Variants in RBM27 observed in about 807,000 individuals in gnomAD.
The protein encoded by RBM27 is RNA binding motif protein 27.
A neutral mutation model predicts 135.3 loss-of-function variants in RBM27; 22 were observed. The observed-to-expected ratio is 0.16, with a 90% CI of 0.12 to 0.23. RBM27 has a LOEUF of 0.23. Ranked by LOEUF, RBM27 falls within the 10% of genes least tolerant of loss-of-function variation. RBM27 has a pLI of 1.00. For missense variants in RBM27, 1,009 were observed against 1,281.0 expected, an observed-to-expected ratio of 0.79 and a Z score of 3.24; for synonymous variants, 481 against 442.4, an observed-to-expected ratio of 1.09 and a Z score of -1.10.
At chr5:146,234,723 G>C (rs1351940037) in intron 7 of RBM27, among the ~76,000 whole-genome samples, 2 of 152,004 alleles carry the variant, frequency 1.3e-5, no homozygotes, top group African/African-American at 4.8e-5. Context: ...TCTGCTTGAA[G>C]ACTTTTAACA....
chr5:146,233,438 T>C lies in RBM27; in HGVS notation c.851-12T>C. 1 of 1,521,416 alleles carries C rather than the reference T, an allele frequency of 6.6e-7. No individual in the cohort carries two copies. The highest frequency in any genetic ancestry group is 2.4e-5 in the East Asian group (1 of 41,958). The allele number at this position is 1,521,416 out of a possible 1,614,324, so 94.2% of individuals were successfully genotyped here. A position where few individuals can be genotyped will look rare whatever the true frequency, so the allele number is the denominator to read the frequency against. ...TGATAATAAGATTCTTTTTTTATTC[T>C]TTATTCCACAGAAAGAGGATTTTGT... is the stretch of plus-strand genomic sequence containing the variant. On this transcript the variant is annotated splice_polypyrimidine_tract_variant and intron_variant, in intron 6 of 20. Transcript: ENST00000265271.
intron 14 of RBM27, among the ~76,000 whole-genome samples, chr5:146,263,862 T>C (rs1277730343): frequency 6.6e-6 from 1 of 151,646 alleles, no homozygotes; most frequent in African/African-American, 2.4e-5. Flanking sequence ...CCCAGCACTT[T>C]GGGAAGCCTG....
At chr5:146,240,213 T>C (rs1043546242) in intron 8 of RBM27, among the ~76,000 whole-genome samples, 2 of 151,830 alleles carry the variant, frequency 1.3e-5, no homozygotes, top group African/African-American at 2.4e-5. Flanking sequence ...CCCAATCTTC[T>C]TTCCTACTAA....
rs574494947 is a variant in RBM27, at chr5:146,245,857, C to T, written c.1280-5854C>T. On this transcript the variant is annotated intron_variant, in intron 8 of 20. Transcript: ENST00000265271. ...ATCCTAAAGTCACCACCTCCACTCA[C>T]CCCTGCCATTTGTGGAAAAATTGTA... is the stretch of plus-strand genomic sequence containing the variant. Among the ~76,000 whole-genome samples, 30 of 152,294 alleles carry T rather than the reference C, an allele frequency of 2.0e-4. 1 individual carries two copies. In the South Asian group the frequency reaches 5.6e-3, roughly 28 times the overall value.
At chr5:146,216,324 A>G (rs1212271954) in intron 1 of RBM27, among the ~76,000 whole-genome samples, 3 of 152,172 alleles carry the variant, frequency 2.0e-5, no homozygotes, top group African/African-American at 4.8e-5. Flanking sequence ...ACACCCAACC[A>G]TAATATTTTT....
intron 5 of RBM27, among the ~76,000 whole-genome samples, 182 bp from the exon 6 acceptor site, chr5:146,230,475 A>G (rs1756879324): frequency 6.6e-6 from 1 of 152,198 alleles, no homozygotes; most frequent in South Asian, 2.1e-4. Flanking sequence ...TGCCCAAGAT[A>G]TGTCACTTGT....
In RBM27 at chr5:146,203,734, A is replaced by G. The variant is rs1265239344; in HGVS notation, c.-32A>G. On this transcript the variant is annotated 5_prime_UTR_variant, in exon 1 of 21. Transcript: ENST00000265271. ...TGGAGACCCACGGCAGGCCTGAAGA[A>G]GAGCGGCGGCCGAGCCCGCCTTCCC... The G allele has an allele frequency of 1.9e-6, 3 of 1,546,796 alleles. No individual in the cohort carries two copies. Among genetic ancestry groups the G allele is most frequent in the Non-Finnish European group, 2.6e-6 (3 of 1,144,148 alleles).
chr5:146,205,698 A>G (rs1755610647), intron 1 of RBM27, among the ~76,000 whole-genome samples: 1 of 152,174 alleles, frequency 6.6e-6, no homozygotes, highest in Non-Finnish European at 1.5e-5. Context: ...GAAAAGGTTG[A>G]AAAAAGAAAA....
chr5:146,231,662 G>C (rs575028672), intron 6 of RBM27, among the ~76,000 whole-genome samples: 1 of 152,064 alleles, frequency 6.6e-6, no homozygotes, highest in South Asian at 2.1e-4. Context: ...CTGTCCCCCA[G>C]GCTAGTGTGC....
At chr5:146,207,008 T>C (rs984225370) in intron 1 of RBM27, among the ~76,000 whole-genome samples, 3 of 152,244 alleles carry the variant, frequency 2.0e-5, no homozygotes, top group Admixed American at 2.0e-4. Context: ...TTATTTTTTG[T>C]TTGTTTAGAT....
At chr5:146,264,055 A>C (rs1190850754) in intron 14 of RBM27, among the ~76,000 whole-genome samples, 2 of 151,370 alleles carry the variant, frequency 1.3e-5, no homozygotes, top group East Asian at 2.0e-4. Flanking sequence ...GCAGTGAGCC[A>C]AGGTCGTACC....
At chr5:146,233,854 A>ATTCCAAATTATATT in intron 7 of RBM27, 111 bp downstream of exon 7, 3 of 688,540 alleles carry the variant, frequency 4.4e-6, no homozygotes, top group Non-Finnish European at 6.4e-6. Flanking sequence ...GTAATAATAT[A>ATTCCAAATTATATT]ATTTGGAATA....
intron 11 of RBM27, among the ~76,000 whole-genome samples, chr5:146,259,504 CAAAAAA>C (rs35438348): frequency 1.6e-5 from 1 of 61,644 alleles, no homozygotes; most frequent in African/African-American, 6.5e-5. Flanking sequence ...AACTCTGTCT[CAAAAAA>C]AAAAAAAAAA....
At position 146,287,853 on chromosome 5, in the gene RBM27, A is replaced by C. The variant is rs987399832; in HGVS notation, c.*1823A>C. ...AAAACATCAGAATGGTGTATCTAGA[A>C]TACACAATCTTGCTCCTTACTCCTC... is the stretch of plus-strand genomic sequence containing the variant. On this transcript the variant is annotated 3_prime_UTR_variant, in exon 21 of 21. Coordinates refer to ENST00000265271, the MANE Select transcript of RBM27 (RefSeq NM_018989.2). 3.3e-5 allele frequency: 5 copies of C among 152,144 alleles called. No individual in the cohort carries two copies. The highest frequency in any genetic ancestry group is 7.4e-5 in the Non-Finnish European group (5 of 67,990). 9.4% of individuals were successfully genotyped at this position (152,144 alleles called of 1,614,324 possible). A position where few individuals can be genotyped will look rare whatever the true frequency, so the allele number is the denominator to read the frequency against.
rs1489574165 is a variant in RBM27 at position 146,233,437 on chromosome 5, C to T, written c.851-13C>T. On this transcript the variant is annotated splice_polypyrimidine_tract_variant and intron_variant, in intron 6 of 20. Coordinates refer to ENST00000265271, the MANE Select transcript of RBM27 (RefSeq NM_018989.2). ...ATGATAATAAGATTCTTTTTTTATTCTTTATTCCACAGAAAGAGGATTTTG... is the reference window on the plus strand; with the variant it reads ...ATGATAATAAGATTCTTTTTTTATTTTTTATTCCACAGAAAGAGGATTTTG... The T allele has an allele frequency of 2.7e-6, 4 of 1,509,132 alleles. No homozygotes were observed. Among genetic ancestry groups the T allele is most frequent in the Admixed American group, 2.3e-5 (1 of 43,296 alleles). 93.5% of individuals were successfully genotyped at this position (1,509,132 alleles called of 1,614,324 possible).
In RBM27 at chr5:146,258,510, C is replaced by T; in HGVS notation, c.1656C>T (p.Thr552=). ...PVPVSINSNI[T]RVVLEPDSRK... The stretch of plus-strand genomic sequence containing the variant: ...CTGTTTCGATTAATAGCAACATAAC[C>T]AGAGTAGTTCTTGAACCAGATAGTC... Residue 552 remains threonine, a synonymous_variant, in exon 11 of 21, where the codon ACC becomes ACT. Coordinates refer to ENST00000265271, the MANE Select transcript of RBM27 (RefSeq NM_018989.2). 1.2e-6 allele frequency: 2 copies of T among 1,603,876 alleles called. No individual in the cohort carries two copies. The highest frequency in any genetic ancestry group is 2.3e-5 in the East Asian group (1 of 44,110).
chr5:146,222,788 G>A (rs1386914237), intron 2 of RBM27, among the ~76,000 whole-genome samples: 1 of 152,148 alleles, frequency 6.6e-6, no homozygotes, highest in Non-Finnish European at 1.5e-5. Context: ...TTCAAACAGA[G>A]CACCCTTTAA....
At position 146,285,120 on chromosome 5, in the gene RBM27, T is replaced by C. The variant is rs953678365; in HGVS notation, c.3099+388T>C. On this transcript the variant is annotated intron_variant, in intron 20 of 20. Coordinates refer to ENST00000265271, the MANE Select transcript of RBM27 (RefSeq NM_018989.2). ...TTTCTTATTTTCCTTCTGTGTACAA[T>C]TGGTTAAAATCAGAGTGTGCAGAAG... is the stretch of plus-strand genomic sequence containing the variant. Among the ~76,000 whole-genome samples, 6 of 152,122 alleles carry C rather than the reference T, an allele frequency of 3.9e-5. No homozygotes were observed. The East Asian group carries it at 1.2e-3, about 29-fold the overall frequency.
chr5:146,258,786 A>G (rs531514734), intron 11 of RBM27, among the ~76,000 whole-genome samples, 193 bp downstream of exon 11: 1 of 151,002 alleles, frequency 6.6e-6, no homozygotes, highest in Admixed American at 6.6e-5. Flanking sequence ...TTTTTTTTTA[A>G]AAGACGTAGT....
Sources: gnomAD v4.1 joint callset for allele counts (sites outside exome capture counted in the v4.1 genomes callset) on GRCh38, gnomAD v4.1.1 for gene constraint, MANE v1.5 for transcripts, NCBI Gene and HGNC (gene_info 2026-07-23, HGNC 2026-07-21) for gene names.